The following PDE3A variants were observed in gnomAD, a reference collection of about 807,000 sequenced individuals.
The protein encoded by PDE3A is cGMP-inhibited 3',5'-cyclic phosphodiesterase 3A.
PDE3A carries 43 observed loss-of-function variants against 98.3 expected under a neutral mutation model. The observed-to-expected ratio is 0.44, with a 90% CI of 0.34 to 0.56. The LOEUF is 0.56. Among genes scored for constraint, PDE3A ranks in the 20% least tolerant of loss-of-function variants. The pLI, the probability that PDE3A is intolerant of heterozygous loss-of-function variation, is 0.01. For missense variants in PDE3A, 1,427 were observed against 1,440.7 expected (o/e 0.99, Z 0.15); for synonymous variants, 663 against 567.9 (o/e 1.17, Z -2.38).
At chr12:20,424,049 C>A (rs1944565438) in intron 1 of PDE3A, among the ~76,000 whole-genome samples, 1 of 151,952 alleles carries the variant, frequency 6.6e-6, no homozygotes, top group Admixed American at 6.6e-5. Context: ...CATATACAAA[C>A]CAGAGGTAGA....
Position 20,385,981 on chromosome 12 carries a change from T to TA in PDE3A, c.960+15738dup, listed in dbSNP as rs1350055552. Among the ~76,000 whole-genome samples, 272 of 85,234 alleles carry TA rather than the reference T, an allele frequency of 3.2e-3. 3 individuals are homozygous for TA. The highest frequency in any genetic ancestry group is 0.011 in the African/African-American group (258 of 23,950). 55.9% of individuals were successfully genotyped at this position (85,234 alleles called of 152,430 possible). A position where few individuals can be genotyped will look rare whatever the true frequency, so the allele number is the denominator to read the frequency against. ...TTATTAATTATATTAATTATTAATATATAATATATATAAAATATATATATA... is the reference window on the plus strand; with the variant it reads ...TTATTAATTATATTAATTATTAATATAATAATATATATAAAATATATATATA... On this transcript the variant is annotated intron_variant, in intron 1 of 15. Transcript: ENST00000359062.
intron 1 of PDE3A, among the ~76,000 whole-genome samples, chr12:20,472,433 C>T (rs773503165): frequency 1.3e-5 from 2 of 152,134 alleles, no homozygotes; most frequent in Non-Finnish European, 2.9e-5. Flanking sequence ...AAACCCCAGT[C>T]AGTAGGAGAT....
chr12:20,372,675 A>G (rs185495835), intron 1 of PDE3A, among the ~76,000 whole-genome samples: 118 of 152,310 alleles, frequency 7.7e-4, no homozygotes, highest in African/African-American at 2.6e-3. Context: ...TGTGAAGTCA[A>G]ACATCAAAAT....
intron 1 of PDE3A, among the ~76,000 whole-genome samples, chr12:20,533,318 G>C (rs947425596): frequency 1.3e-5 from 2 of 151,636 alleles, no homozygotes; most frequent in South Asian, 4.2e-4. Context: ...CTCAGAAATG[G>C]TTATCCATGT....
intron 1 of PDE3A, among the ~76,000 whole-genome samples, chr12:20,462,288 C>T (rs374515968): frequency 8.6e-5 from 13 of 152,042 alleles, no homozygotes; most frequent in East Asian, 1.9e-4. Flanking sequence ...GTCAGGAGTT[C>T]GAGACCAGCC....
intron 1 of PDE3A, among the ~76,000 whole-genome samples, chr12:20,488,645 T>C (rs57921615): frequency 0.13 from 20,235 of 151,676 alleles, 2,022 homozygotes; most frequent in African/African-American, 0.28. Context: ...CCGGGCTGAG[T>C]GACACAGTGA....
chr12:20,451,939 T>C (rs7487954), intron 1 of PDE3A, among the ~76,000 whole-genome samples: 1 of 152,236 alleles, frequency 6.6e-6, no homozygotes, highest in Non-Finnish European at 1.5e-5. Flanking sequence ...CTTCATTGCA[T>C]AGTGTAGCCC....
intron 1 of PDE3A, among the ~76,000 whole-genome samples, chr12:20,520,127 C>T (rs971309994): frequency 3.3e-5 from 5 of 152,208 alleles, no homozygotes; most frequent in South Asian, 4.1e-4. Context: ...AAAAATCCAA[C>T]GTGTTTGGTG....
chr12:20,502,436 G>T (rs1391247157), intron 1 of PDE3A, among the ~76,000 whole-genome samples: 1 of 152,088 alleles, frequency 6.6e-6, no homozygotes, highest in African/African-American at 2.4e-5. Flanking sequence ...GACTTAATCT[G>T]TCATCTTATT....
chr12:20,661,358 TC>T (rs1239684037), intron 15 of PDE3A, among the ~76,000 whole-genome samples: 1 of 152,004 alleles, frequency 6.6e-6, no homozygotes, highest in Non-Finnish European at 1.5e-5. Context: ...GAAAAGAAAA[TC>T]CCATTTTGTG....
intron 1 of PDE3A, among the ~76,000 whole-genome samples, chr12:20,474,541 A>C (rs989996147): frequency 6.6e-6 from 1 of 152,214 alleles, no homozygotes; most frequent in Non-Finnish European, 1.5e-5. Context: ...ATAAGCACGA[A>C]GTCAGTTTCA....
chr12:20,388,499 G>A (rs946535004), intron 1 of PDE3A, among the ~76,000 whole-genome samples: 13 of 152,086 alleles, frequency 8.5e-5, no homozygotes, highest in South Asian at 2.1e-4. Context: ...ACTCTACCAC[G>A]TCAACTGATA....
chr12:20,650,253 C>CT (rs886105951), intron 13 of PDE3A, among the ~76,000 whole-genome samples, 192 bp from the exon 14 acceptor site: 1 of 151,428 alleles, frequency 6.6e-6, no homozygotes, highest in African/African-American at 2.4e-5. Flanking sequence ...CGTTATTTTA[C>CT]TTTTTTTGTG....
At chr12:20,434,180 T>C (rs1944743629) in intron 1 of PDE3A, among the ~76,000 whole-genome samples, 1 of 152,132 alleles carries the variant, frequency 6.6e-6, no homozygotes, top group Non-Finnish European at 1.5e-5. Flanking sequence ...CTTTTTTTTT[T>C]TCCTGCGTTT....
At chr12:20,411,871 T>A (rs1023736870) in intron 1 of PDE3A, among the ~76,000 whole-genome samples, 1 of 152,184 alleles carries the variant, frequency 6.6e-6, no homozygotes, top group Non-Finnish European at 1.5e-5. Flanking sequence ...CTTTAAAAAA[T>A]TACCGTGTGC....
chr12:20,564,143 A>G (rs1942598120), intron 2 of PDE3A, among the ~76,000 whole-genome samples: 1 of 151,976 alleles, frequency 6.6e-6, no homozygotes, highest in Non-Finnish European at 1.5e-5. Flanking sequence ...AACTGAACCC[A>G]CTAGTATATT....
intron 1 of PDE3A, among the ~76,000 whole-genome samples, chr12:20,507,678 G>A (rs1477805100): frequency 1.3e-5 from 2 of 151,922 alleles, no homozygotes; most frequent in Non-Finnish European, 2.9e-5. Context: ...CCAACCTTCC[G>A]CTTACTCTGT....
intron 14 of PDE3A, 139 bp downstream of exon 14, chr12:20,650,739 T>A: frequency 2.2e-6 from 1 of 457,372 alleles, no homozygotes; most frequent in Non-Finnish European, 3.8e-6. Context: ...TGGTCAATTT[T>A]GATCAGGAGA....
In PDE3A at chr12:20,633,774, A is replaced by C; in HGVS notation, c.1842A>C (p.Arg614Ser). ...RSGVATRTPS[R>S]TDDTAQVTSD... is the part of the protein sequence containing the mutation. Reference sequence around the variant, plus strand: ...GGGTAGCCACTCGGACACCAAGTAGAACAGGTAATTCATTGTTTTGGATTC... The same window carrying C: ...GGGTAGCCACTCGGACACCAAGTAGCACAGGTAATTCATTGTTTTGGATTC... Residue 614 changes from arginine (R) to serine (S), a missense_variant, in exon 7 of 16, where the codon AGA becomes AGC. Arg to Ser is a moderately radical substitution (Grantham distance 110). This residue lies in a region of PDE3A where 1,012 missense variants were observed against 886.5 expected (regional missense o/e 1.14). Coordinates refer to ENST00000359062, the MANE Select transcript of PDE3A (RefSeq NM_000921.5). The C allele has an allele frequency of 5.1e-6, 8 of 1,577,038 alleles. No individual in the cohort carries two copies. Among genetic ancestry groups the C allele is most frequent in the Non-Finnish European group, 6.9e-6 (8 of 1,151,636 alleles).
Sources: gnomAD v4.1 joint callset for allele counts (sites outside exome capture counted in the v4.1 genomes callset) on GRCh38, gnomAD v4.1.1 for gene constraint, gnomAD v4.1.1 regional missense constraint, MANE v1.5 for transcripts, NCBI Gene and HGNC (gene_info 2026-07-23, HGNC 2026-07-21) for gene names.